PMFBP1: variants seen among roughly 807,000 people sequenced by gnomAD.
PMFBP1 encodes polyamine-modulated factor 1-binding protein 1.
PMFBP1 carries 131 observed loss-of-function variants against 137.8 expected under a neutral mutation model. That is an observed-to-expected ratio of 0.95 (90% confidence interval 0.82 to 1.10). The LOEUF is 1.10. Among genes scored for constraint, PMFBP1 ranks in the 50% least tolerant of loss-of-function variants. The pLI, the probability that PMFBP1 is intolerant of heterozygous loss-of-function variation, is 0.00. For synonymous variants in PMFBP1, 490 were observed against 450.4 expected, an observed-to-expected ratio of 1.09 and a Z score of -1.11; for missense variants, 1,199 against 1,175.4, an observed-to-expected ratio of 1.02 and a Z score of -0.29.
upstream of PMFBP1, among the ~76,000 whole-genome samples, chr16:72,180,458 C>A (rs1404296026): frequency 6.6e-6 from 1 of 152,190 alleles, no homozygotes; most frequent in Admixed American, 6.5e-5. Flanking sequence ...TGTTGAGTTT[C>A]TCAGTGGAGC....
the PMFBP1 span, among the ~76,000 whole-genome samples, chr16:72,212,010 T>C: frequency 6.6e-6 from 1 of 152,016 alleles, no homozygotes; most frequent in African/African-American, 2.4e-5. Context: ...AAATTTTTTT[T>C]TCTAAAATTA....
the PMFBP1 span, among the ~76,000 whole-genome samples, chr16:72,242,302 T>C: frequency 6.6e-6 from 1 of 152,178 alleles, no homozygotes; most frequent in Non-Finnish European, 1.5e-5. Flanking sequence ...GATCCAATCA[T>C]TTACTAGTTG....
At position 72,122,903 on chromosome 16, in the gene PMFBP1, A is replaced by G; in HGVS notation, c.2768+11T>C. 6.2e-7 allele frequency: 1 copy of G among 1,611,844 alleles called. No individual in the cohort carries two copies. Among genetic ancestry groups the G allele is most frequent in the Non-Finnish European group, 8.5e-7 (1 of 1,179,080 alleles). On this transcript the variant is annotated intron_variant, in intron 19 of 20. Coordinates refer to ENST00000237353, the MANE Select transcript of PMFBP1 (RefSeq NM_031293.3). ...CCCAGGAAGCAGCCAGGGTGGTTTAAGATGACTTACTCCTTTTCGCCACTC... is the reference window on the plus strand; with the variant it reads ...CCCAGGAAGCAGCCAGGGTGGTTTAGGATGACTTACTCCTTTTCGCCACTC...
At chr16:72,204,508 G>A in the PMFBP1 span, among the ~76,000 whole-genome samples, 20 of 152,156 alleles carry the variant, frequency 1.3e-4, no homozygotes, top group Admixed American at 9.8e-4. Flanking sequence ...TGGCCATTGT[G>A]CACATTTATC....
chr16:72,198,634 T>C, the PMFBP1 span, among the ~76,000 whole-genome samples: 7 of 152,072 alleles, frequency 4.6e-5, no homozygotes, highest in African/African-American at 1.7e-4. Context: ...CCACTTTCAG[T>C]AGTAGTTTTT....
At chr16:72,204,507 T>C in the PMFBP1 span, among the ~76,000 whole-genome samples, 27 of 152,126 alleles carry the variant, frequency 1.8e-4, no homozygotes, top group Non-Finnish European at 7.4e-5. Flanking sequence ...CTGGCCATTG[T>C]GCACATTTAT....
intron 14 of PMFBP1, among the ~76,000 whole-genome samples, chr16:72,127,965 T>C (rs2042487312): frequency 6.6e-6 from 1 of 152,250 alleles, no homozygotes; most frequent in Admixed American, 6.5e-5. Context: ...TGTTATATTT[T>C]TCTCTTGCCC....
At chr16:72,167,697 C>T (rs1014974477) in intron 2 of PMFBP1, among the ~76,000 whole-genome samples, 2 of 152,184 alleles carry the variant, frequency 1.3e-5, no homozygotes, top group Non-Finnish European at 2.9e-5. Flanking sequence ...ACAGGACTGT[C>T]TTTCTTTGGC....
At chr16:72,118,753 C>T (rs7206422), downstream of PMFBP1, among the ~76,000 whole-genome samples, 18,750 of 108,400 alleles carry the variant, frequency 0.17, 1,642 homozygotes, top group South Asian at 0.22. Context: ...ATGTGGAGCC[C>T]GGTGGTGGGC....
the PMFBP1 span, among the ~76,000 whole-genome samples, chr16:72,214,255 C>A: frequency 6.6e-6 from 1 of 151,976 alleles, no homozygotes; most frequent in East Asian, 1.9e-4. Flanking sequence ...AGTGCAGTGG[C>A]ACAATCTCGG....
intron 10 of PMFBP1, 145 bp from the exon 11 acceptor site, chr16:72,130,867 G>T: frequency 1.4e-6 from 1 of 694,406 alleles, no homozygotes; most frequent in East Asian, 2.8e-5. Flanking sequence ...TTCATGATCA[G>T]TCCTAAAGAG....
chr16:72,124,760 T>C lies in PMFBP1; in HGVS notation c.2589+7A>G, dbSNP rs2042427896. On this transcript the variant is annotated splice_region_variant and intron_variant, in intron 17 of 20. Transcript: ENST00000237353. ...GAGGAGGCACGCAGAAGCCAAGGCA[T>C]GCCCACCTCCTTATCGTCCTCAAGG... 6.2e-7 allele frequency: 1 copy of C among 1,612,652 alleles called. No homozygotes were observed. The highest frequency in any genetic ancestry group is 8.5e-7 in the Non-Finnish European group (1 of 1,179,102).
intron 3 of PMFBP1, 164 bp downstream of exon 3, chr16:72,164,600 T>C (rs2043116027): frequency 4.2e-6 from 5 of 1,200,296 alleles, no homozygotes; most frequent in Middle Eastern, 1.9e-4. Flanking sequence ...TCCATGTGTA[T>C]GTGCGTTGGG....
At chr16:72,194,989 T>A in the PMFBP1 span, among the ~76,000 whole-genome samples, 1 of 152,266 alleles carries the variant, frequency 6.6e-6, no homozygotes, top group African/African-American at 2.4e-5. Context: ...TCTGACAGTT[T>A]GTGGACCTGG....
the PMFBP1 span, among the ~76,000 whole-genome samples, chr16:72,209,788 A>T: frequency 6.6e-6 from 1 of 152,196 alleles, no homozygotes; most frequent in African/African-American, 2.4e-5. Flanking sequence ...ACGAGAAGTG[A>T]CAATGAACTC....
intron 17 of PMFBP1, 87 bp downstream of exon 17, chr16:72,124,680 C>T: frequency 1.3e-6 from 2 of 1,498,124 alleles, no homozygotes; most frequent in Non-Finnish European, 1.8e-6. Flanking sequence ...TCTCCCACCC[C>T]CACCAAGGGC....
the PMFBP1 span, among the ~76,000 whole-genome samples, chr16:72,181,997 G>C: frequency 6.6e-6 from 1 of 152,206 alleles, no homozygotes; most frequent in African/African-American, 2.4e-5. Context: ...ATCACCTAAT[G>C]TTTTAAGAAA....
intron 4 of PMFBP1, among the ~76,000 whole-genome samples, chr16:72,153,509 T>C (rs757656380): frequency 2.0e-5 from 3 of 152,130 alleles, no homozygotes; most frequent in Admixed American, 2.0e-4. Context: ...TCCCATCATT[T>C]AGAACCCATG....
the PMFBP1 span, among the ~76,000 whole-genome samples, chr16:72,229,287 G>C: frequency 6.6e-6 from 1 of 152,220 alleles, no homozygotes; most frequent in African/African-American, 2.4e-5. Flanking sequence ...GCATATCTTT[G>C]CTATTGTGAA....
Sources: gnomAD v4.1 joint callset for allele counts (sites outside exome capture counted in the v4.1 genomes callset) on GRCh38, gnomAD v4.1.1 for gene constraint, MANE v1.5 for transcripts, NCBI Gene and HGNC (gene_info 2026-07-23, HGNC 2026-07-21) for gene names.